Variants in KIAA1671 observed in about 807,000 individuals in gnomAD.
The protein encoded by KIAA1671 is uncharacterized protein KIAA1671.
Under a neutral mutation model 131.2 loss-of-function variants are expected in KIAA1671, and 52 were observed. The observed-to-expected ratio is 0.40, with a 90% CI of 0.32 to 0.50. KIAA1671 has a LOEUF of 0.50. Ranked by LOEUF, KIAA1671 falls within the 20% of genes least tolerant of loss-of-function variation. The pLI is 0.73. For synonymous variants in KIAA1671, 1,003 were observed against 961.6 expected, an observed-to-expected ratio of 1.04 and a Z score of -0.80; for missense variants, 2,360 against 2,364.2, an observed-to-expected ratio of 1.00 and a Z score of 0.04.
chr22:24,970,906 A>G lies in KIAA1671; in HGVS notation c.-208+18134A>G, dbSNP rs112564551. Among the ~76,000 whole-genome samples, 90 of 152,258 alleles carry G rather than the reference A, an allele frequency of 5.9e-4. No individual in the cohort carries two copies. In the Middle Eastern group the frequency reaches 0.01, roughly 17 times the overall value. Reference sequence around the variant, plus strand: ...CCAGACCCTGTGCTAAGCACTTGCTATGCACTATCTCACTCAATCATCGTA... The same window carrying G: ...CCAGACCCTGTGCTAAGCACTTGCTGTGCACTATCTCACTCAATCATCGTA... On this transcript the variant is annotated intron_variant, in intron 1 of 12. Transcript: ENST00000358431.
chr22:24,977,259 A>G (rs1922961810), intron 1 of KIAA1671, among the ~76,000 whole-genome samples: 1 of 152,120 alleles, frequency 6.6e-6, no homozygotes, highest in Admixed American at 6.5e-5. Context: ...AAAAAGGGAA[A>G]CTGACAGCGC....
rs544197242 is a variant in KIAA1671 at position 25,190,363 on chromosome 22, G to A, written c.5343-339G>A. On this transcript the variant is annotated intron_variant, in intron 11 of 12. Transcript: ENST00000358431. ...CGCAGAGATCAGGTGGAATGTGAGTGATGGAGCAGCTGTGAATACAGATGA... is the reference window on the plus strand; with the variant it reads ...CGCAGAGATCAGGTGGAATGTGAGTAATGGAGCAGCTGTGAATACAGATGA... 2.0e-5 allele frequency among the ~76,000 whole-genome samples: 3 copies of A among 152,334 alleles called. No individual in the cohort carries two copies. In the South Asian group the frequency reaches 6.2e-4, roughly 32 times the overall value.
chr22:25,004,718 G>T (rs1343086841), intron 1 of KIAA1671, among the ~76,000 whole-genome samples: 1 of 152,134 alleles, frequency 6.6e-6, no homozygotes, highest in African/African-American at 2.4e-5. Flanking sequence ...AGGCCGAGGC[G>T]GGCAGATCAT....
chr22:25,096,255 AC>A (rs1191098529), intron 6 of KIAA1671, among the ~76,000 whole-genome samples: 1 of 152,204 alleles, frequency 6.6e-6, no homozygotes, highest in Non-Finnish European at 1.5e-5. Flanking sequence ...GGCACAGCCC[AC>A]ACAGGGCCTT....
intron 1 of KIAA1671, among the ~76,000 whole-genome samples, chr22:24,968,414 T>A (rs1922416128): frequency 6.6e-6 from 1 of 152,124 alleles, no homozygotes; most frequent in Admixed American, 6.5e-5. Flanking sequence ...TGAATCCAGC[T>A]GCAGCCTATA....
intron 6 of KIAA1671, among the ~76,000 whole-genome samples, chr22:25,100,877 C>A (rs180964026): frequency 6.6e-6 from 1 of 152,184 alleles, no homozygotes; most frequent in East Asian, 1.9e-4. Flanking sequence ...GAAAGAAGGC[C>A]AGAAAGGCCT....
chr22:25,151,266 C>T (rs1262335976), intron 6 of KIAA1671, among the ~76,000 whole-genome samples: 1 of 150,740 alleles, frequency 6.6e-6, no homozygotes, highest in Non-Finnish European at 1.5e-5. Flanking sequence ...ATATCTGTAT[C>T]CTTTAAGAAT....
In KIAA1671 at chr22:25,032,590, A is replaced by G; in HGVS notation, c.1542-19A>G. On this transcript the variant is annotated intron_variant, in intron 3 of 12. Transcript: ENST00000358431. ...AACAGCTTCCAGCTCCATGAAGGTA[A>G]CTCAGATCTCTGTACCAGGTTTTCA... 1 of 1,506,362 alleles carries G rather than the reference A, an allele frequency of 6.6e-7. No individual in the cohort carries two copies. The highest frequency in any genetic ancestry group is 2.5e-5 in the East Asian group (1 of 40,454). 93.3% of individuals were successfully genotyped at this position (1,506,362 alleles called of 1,614,324 possible). A position where few individuals can be genotyped will look rare whatever the true frequency, so the allele number is the denominator to read the frequency against.
At chr22:25,153,721 C>T (rs543651934) in intron 6 of KIAA1671, among the ~76,000 whole-genome samples, 3 of 152,196 alleles carry the variant, frequency 2.0e-5, no homozygotes, top group Non-Finnish European at 4.4e-5. Context: ...GAGTCCTGGG[C>T]ACTCGGATGT....
intron 6 of KIAA1671, among the ~76,000 whole-genome samples, chr22:25,167,678 A>C (rs1411730085): frequency 1.3e-5 from 2 of 152,232 alleles, no homozygotes. Flanking sequence ...AAGCTTCTAC[A>C]GACAGTAGAA....
At chr22:25,160,623 T>C (rs1024158134) in intron 6 of KIAA1671, among the ~76,000 whole-genome samples, 2 of 152,090 alleles carry the variant, frequency 1.3e-5, no homozygotes, top group African/African-American at 4.8e-5. Flanking sequence ...GTCCACAGCA[T>C]GTCCTGAGTA....
intron 6 of KIAA1671, among the ~76,000 whole-genome samples, chr22:25,067,029 C>T (rs957731895): frequency 2.0e-5 from 3 of 152,146 alleles, no homozygotes; most frequent in Non-Finnish European, 4.4e-5. Flanking sequence ...CCACACTCCC[C>T]GGGCTGCCTC....
chr22:25,115,632 A>G (rs1931613785), intron 6 of KIAA1671, among the ~76,000 whole-genome samples: 2 of 152,158 alleles, frequency 1.3e-5, no homozygotes, highest in Admixed American at 1.3e-4. Context: ...CTAGAAGGCT[A>G]GACTGGTGCC....
intron 6 of KIAA1671, among the ~76,000 whole-genome samples, chr22:25,140,221 G>A (rs758425413): frequency 6.6e-5 from 10 of 152,300 alleles, no homozygotes; most frequent in South Asian, 4.1e-4. Context: ...GAGGACTGAC[G>A]GCCCTGGCCA....
At chr22:25,133,826 G>A (rs1260217439) in intron 6 of KIAA1671, among the ~76,000 whole-genome samples, 2 of 152,170 alleles carry the variant, frequency 1.3e-5, no homozygotes, top group African/African-American at 4.8e-5. Context: ...GGGATTACAG[G>A]TGCGAGCCAC....
chr22:24,991,059 G>A (rs1478398427), intron 1 of KIAA1671, among the ~76,000 whole-genome samples: 1 of 152,124 alleles, frequency 6.6e-6, no homozygotes, highest in Non-Finnish European at 1.5e-5. Flanking sequence ...TCACTCCGTT[G>A]TCCAGGCTGG....
intron 4 of KIAA1671, among the ~76,000 whole-genome samples, chr22:25,035,907 GTAAAA>G (rs1378622006): frequency 6.6e-6 from 1 of 152,058 alleles, no homozygotes; most frequent in African/African-American, 2.4e-5. Flanking sequence ...GTTTATTGTA[GTAAAA>G]TACACATAAC....
chr22:25,183,492 TTCCTTCCTTCCTTCCTTGTTCTC>T (rs970557805), intron 10 of KIAA1671, among the ~76,000 whole-genome samples: 5 of 47,962 alleles, frequency 1.0e-4, no homozygotes, highest in Non-Finnish European at 1.5e-4. Flanking sequence ...CTCTTTCTCC[TTCCTTCCTTCCTTCCTTGTTCTC>T]TCCTTCCTTC....
chr22:25,097,680 C>T (rs2145890470), intron 6 of KIAA1671, among the ~76,000 whole-genome samples: 1 of 151,558 alleles, frequency 6.6e-6, no homozygotes, highest in East Asian at 1.9e-4. Flanking sequence ...GCGGAGCTTG[C>T]AGTGAGCCGA....
Sources: allele counts gnomAD v4.1 joint callset (sites outside exome capture counted in the v4.1 genomes callset), GRCh38; gene constraint gnomAD v4.1.1; transcripts MANE v1.5; gene names NCBI Gene and HGNC (gene_info 2026-07-23, HGNC 2026-07-21).